Variants in SPAG16 observed in about 807,000 individuals in gnomAD.
SPAG16 encodes sperm-associated antigen 16 protein.
A neutral mutation model predicts 80.4 loss-of-function variants in SPAG16; 86 were observed. The ratio of observed to expected loss-of-function variants is 1.07; its 90% CI spans 0.90 to 1.28. SPAG16 has a LOEUF of 1.28. Ranked by LOEUF, SPAG16 falls within the 50% of genes most tolerant of loss-of-function variation. The pLI is 0.00. For missense variants in SPAG16, 870 were observed against 765.3 expected (o/e 1.14, Z -1.61); for synonymous variants, 294 against 265.9 (o/e 1.11, Z -1.03).
intron 5 of SPAG16, among the ~76,000 whole-genome samples, chr2:213,334,481 G>A (rs1044086215): frequency 3.9e-5 from 6 of 152,104 alleles, no homozygotes; most frequent in African/African-American, 1.4e-4. Flanking sequence ...AAGGAAATCA[G>A]TATATCAAAG....
At chr2:213,465,767 C>A (rs1417256385) in intron 9 of SPAG16, among the ~76,000 whole-genome samples, 2 of 152,308 alleles carry the variant, frequency 1.3e-5, no homozygotes, top group East Asian at 3.9e-4. Flanking sequence ...CATCCTTTAG[C>A]CACTAAATCA....
At chr2:213,330,481 C>A (rs2064046011) in intron 5 of SPAG16, among the ~76,000 whole-genome samples, 1 of 152,114 alleles carries the variant, frequency 6.6e-6, no homozygotes, top group African/African-American at 2.4e-5. Flanking sequence ...GCTTGTAGTC[C>A]CTTTGTTTGG....
chr2:214,260,621 C>T (rs1320460012), intron 15 of SPAG16, among the ~76,000 whole-genome samples: 1 of 152,170 alleles, frequency 6.6e-6, no homozygotes, highest in African/African-American at 2.4e-5. Context: ...CTTGTTCTCT[C>T]TCTCAGCTAA....
chr2:214,249,395 C>T (rs1266477241), intron 15 of SPAG16, among the ~76,000 whole-genome samples: 2 of 149,150 alleles, frequency 1.3e-5, no homozygotes, highest in African/African-American at 2.5e-5. Context: ...CAGATGTACA[C>T]TAGAAGAAGG....
At chr2:213,692,896 C>T (rs1484162144) in intron 10 of SPAG16, among the ~76,000 whole-genome samples, 2 of 151,624 alleles carry the variant, frequency 1.3e-5, no homozygotes, top group Non-Finnish European at 2.9e-5. Context: ...GGAATGGCTA[C>T]AAGTTTTTAA....
intron 11 of SPAG16, among the ~76,000 whole-genome samples, chr2:213,925,497 G>T (rs1300845216): frequency 6.6e-6 from 1 of 151,878 alleles, no homozygotes; most frequent in Non-Finnish European, 1.5e-5. Flanking sequence ...GGCTACATGT[G>T]TCCACTACCC....
chr2:213,765,849 G>C (rs2068910040), intron 10 of SPAG16, among the ~76,000 whole-genome samples: 1 of 152,174 alleles, frequency 6.6e-6, no homozygotes, highest in African/African-American at 2.4e-5. Flanking sequence ...ATGTTTAGGA[G>C]ATAGAACAAA....
At chr2:214,152,282 C>T (rs1409332583) in intron 15 of SPAG16, among the ~76,000 whole-genome samples, 1 of 152,088 alleles carries the variant, frequency 6.6e-6, no homozygotes, top group Non-Finnish European at 1.5e-5. Context: ...AGATTATTCA[C>T]AGAGTATCAT....
chr2:213,771,229 T>C (rs1222481183), intron 10 of SPAG16, among the ~76,000 whole-genome samples: 4 of 152,232 alleles, frequency 2.6e-5, no homozygotes, highest in Middle Eastern at 6.3e-3. Context: ...GAGTTTTTTT[T>C]CGTATGTTTG....
At chr2:213,288,935 A>G (rs2062160999) in intron 1 of SPAG16, among the ~76,000 whole-genome samples, 1 of 152,212 alleles carries the variant, frequency 6.6e-6, no homozygotes, top group Non-Finnish European at 1.5e-5. Flanking sequence ...CACAACCTGC[A>G]TATAGACAGA....
chr2:213,611,715 T>A (rs2061445161), intron 10 of SPAG16, among the ~76,000 whole-genome samples: 1 of 152,176 alleles, frequency 6.6e-6, no homozygotes, highest in South Asian at 2.1e-4. Context: ...ACATATCAAG[T>A]TATTAGCTAA....
intron 10 of SPAG16, among the ~76,000 whole-genome samples, chr2:213,826,658 A>G (rs752753900): frequency 6.6e-6 from 1 of 152,028 alleles, no homozygotes; most frequent in Non-Finnish European, 1.5e-5. Flanking sequence ...TTGTGACCTA[A>G]TATATGGTCT....
Position 213,747,622 on chromosome 2 carries a change from G to A in SPAG16, c.1071-114863G>A, listed in dbSNP as rs946135338. 6.6e-5 allele frequency among the ~76,000 whole-genome samples: 10 copies of A among 152,160 alleles called. No individual in the cohort carries two copies. In the South Asian group the frequency reaches 1.2e-3, roughly 19 times the overall value. ...TTATGTTACTATCGCTACAATATTC[G>A]GTATGGTAACATGCTATACAGGTTT... On this transcript the variant is annotated intron_variant, in intron 10 of 15. Transcript: ENST00000331683.
intron 15 of SPAG16, among the ~76,000 whole-genome samples, chr2:214,242,174 G>C (rs1350709006): frequency 6.6e-6 from 1 of 152,140 alleles, no homozygotes; most frequent in Non-Finnish European, 1.5e-5. Context: ...TTTCTTCTGA[G>C]GGACTTTACT....
Position 213,489,976 on chromosome 2 carries a change from C to T in SPAG16, c.956C>T (p.Pro319Leu), listed in dbSNP as rs769219884. Residue 319 changes from proline (P) to leucine (L), a missense_variant, in exon 10 of 16, where the codon CCC becomes CTC. Coordinates refer to ENST00000331683, the MANE Select transcript of SPAG16 (RefSeq NM_024532.5). Reference protein sequence around the residue: ...MKGNTKDSEFPIDMQPNPNLN... With the variant: ...MKGNTKDSEFLIDMQPNPNLN... ...TTTTTTCTCTAGGATTCAGAATTTC[C>T]CATAGATATGCAACCAAATCCAAAC... 47 of 1,602,632 alleles carry T rather than the reference C, an allele frequency of 2.9e-5. No individual in the cohort carries two copies. The highest frequency in any genetic ancestry group is 1.9e-4 in the Admixed American group (11 of 57,826).
intron 15 of SPAG16, among the ~76,000 whole-genome samples, chr2:214,339,353 G>C (rs563754759): frequency 6.6e-6 from 1 of 152,176 alleles, no homozygotes; most frequent in African/African-American, 2.4e-5. Flanking sequence ...AATGATGACA[G>C]TAAGGCAAAA....
chr2:213,700,202 T>C (rs1245960855), intron 10 of SPAG16, among the ~76,000 whole-genome samples: 2 of 151,884 alleles, frequency 1.3e-5, no homozygotes, highest in Non-Finnish European at 2.9e-5. Flanking sequence ...ATAGAGCCTC[T>C]AGAATTTTTG....
rs531813061 is a variant in SPAG16 at position 214,139,450 on chromosome 2, CTTA to C, written c.1594-9684_1594-9682del. Among the ~76,000 whole-genome samples, 27 of 152,010 alleles carry C rather than the reference CTTA, an allele frequency of 1.8e-4. No homozygotes were observed. In the East Asian group the frequency reaches 5.0e-3, roughly 28 times the overall value. On this transcript the variant is annotated intron_variant, in intron 14 of 15. Coordinates refer to ENST00000331683, the MANE Select transcript of SPAG16 (RefSeq NM_024532.5). ...GCTTTTGATTTTGTTGATGTTATCTCTTATTATTTTAATAACTTTAATTTTGCT... is the reference window on the plus strand; with the variant it reads ...GCTTTTGATTTTGTTGATGTTATCTCTTATTTTAATAACTTTAATTTTGCT...
chr2:213,660,399 T>C (rs2063379826), intron 10 of SPAG16, among the ~76,000 whole-genome samples: 1 of 151,726 alleles, frequency 6.6e-6, no homozygotes, highest in Non-Finnish European at 1.5e-5. Flanking sequence ...TGTATACATA[T>C]GTATGTATGT....
Sources: gnomAD v4.1 joint callset for allele counts (sites outside exome capture counted in the v4.1 genomes callset) on GRCh38, gnomAD v4.1.1 for gene constraint, MANE v1.5 for transcripts, NCBI Gene and HGNC (gene_info 2026-07-23, HGNC 2026-07-21) for gene names.